The following LRRC4C variants were observed in gnomAD, a reference collection of about 807,000 sequenced individuals.
LRRC4C encodes the protein leucine-rich repeat-containing protein 4C.
A neutral mutation model predicts 33.6 loss-of-function variants in LRRC4C; 5 were observed. The observed-to-expected ratio is 0.15, with a 90% CI of 0.08 to 0.31. LRRC4C has a LOEUF of 0.31. Among genes scored for constraint, LRRC4C ranks in the 10% least tolerant of loss-of-function variants. The pLI is 1.00. For missense variants in LRRC4C, 560 were observed against 796.7 expected, an observed-to-expected ratio of 0.70 and a Z score of 3.58; for synonymous variants, 329 against 302.0, an observed-to-expected ratio of 1.09 and a Z score of -0.93.
At chr11:41,395,141 T>C (rs1953756429) in intron 1 of LRRC4C, among the ~76,000 whole-genome samples, 1 of 150,706 alleles carries the variant, frequency 6.6e-6, no homozygotes, top group South Asian at 2.1e-4. Flanking sequence ...ACTGGCAGAG[T>C]CTCAGAGTTA....
chr11:41,023,981 T>C (rs1856165722), intron 1 of LRRC4C, among the ~76,000 whole-genome samples: 1 of 151,798 alleles, frequency 6.6e-6, no homozygotes, highest in Admixed American at 6.6e-5. Context: ...TTGGCTTGTG[T>C]TGATATAATC....
chr11:40,655,276 C>T (rs755623396), intron 2 of LRRC4C, among the ~76,000 whole-genome samples: 45 of 152,090 alleles, frequency 3.0e-4, no homozygotes, highest in Non-Finnish European at 6.3e-4. Context: ...TTCAATATTT[C>T]AAAAAGGCAG....
At chr11:40,200,881 G>T (rs991442051) in intron 5 of LRRC4C, among the ~76,000 whole-genome samples, 16 of 151,964 alleles carry the variant, frequency 1.1e-4, no homozygotes, top group Non-Finnish European at 2.4e-4. Flanking sequence ...GGTAAGTCAG[G>T]TAAAGCTGAA....
intron 1 of LRRC4C, among the ~76,000 whole-genome samples, chr11:41,058,538 G>T (rs757436521): frequency 4.6e-5 from 7 of 152,240 alleles, no homozygotes; most frequent in Non-Finnish European, 1.0e-4. Flanking sequence ...CTAAACTTGG[G>T]CAAAGGTGCC....
At chr11:40,388,774 A>G (rs532676438) in intron 3 of LRRC4C, among the ~76,000 whole-genome samples, 1 of 152,312 alleles carries the variant, frequency 6.6e-6, no homozygotes, top group Non-Finnish European at 1.5e-5. Flanking sequence ...ACACTGAATC[A>G]AATGAGACTG....
At chr11:40,179,641 A>C (rs1008475810) in intron 5 of LRRC4C, among the ~76,000 whole-genome samples, 2 of 152,180 alleles carry the variant, frequency 1.3e-5, no homozygotes, top group African/African-American at 4.8e-5. Flanking sequence ...AGGCACAGAG[A>C]TCAGGACCCC....
intron 2 of LRRC4C, among the ~76,000 whole-genome samples, chr11:40,854,850 A>G (rs1318115331): frequency 6.6e-6 from 1 of 152,008 alleles, no homozygotes; most frequent in Admixed American, 6.6e-5. Flanking sequence ...GCTGGATATA[A>G]CTTACATGAC....
Position 40,243,390 on chromosome 11 carries a change from A to G in LRRC4C, c.-175-1792T>C, listed in dbSNP as rs369759467. Among the ~76,000 whole-genome samples, 82 of 152,282 alleles carry G rather than the reference A, an allele frequency of 5.4e-4. 2 individuals are homozygous for G. In the South Asian group the frequency reaches 8.3e-3, roughly 15 times the overall value. On this transcript the variant is annotated intron_variant, in intron 4 of 6. Transcript: ENST00000528697. ...GGAACTCACCAAGTACCTTCCTAGA[A>G]TTTGAAAGGTAGGTAGAAAACTATT...
chr11:40,520,494 A>T (rs2135221569), intron 3 of LRRC4C, among the ~76,000 whole-genome samples: 1 of 152,278 alleles, frequency 6.6e-6, no homozygotes, highest in Non-Finnish European at 1.5e-5. Flanking sequence ...GTGGGGCCTG[A>T]GGAAGAGGAA....
chr11:40,811,602 AT>A (rs1314640572), intron 2 of LRRC4C, among the ~76,000 whole-genome samples: 2 of 152,114 alleles, frequency 1.3e-5, no homozygotes, highest in African/African-American at 4.8e-5. Context: ...GATTCAAGCA[AT>A]TCTCCTGCCT....
chr11:40,126,122 A>G (rs1235959284), intron 6 of LRRC4C, among the ~76,000 whole-genome samples: 5 of 151,452 alleles, frequency 3.3e-5, no homozygotes, highest in African/African-American at 1.2e-4. Flanking sequence ...TGACTCTGCA[A>G]TGTTTCTAGA....
At chr11:40,942,158 C>G (rs1958181624) in intron 1 of LRRC4C, among the ~76,000 whole-genome samples, 1 of 152,070 alleles carries the variant, frequency 6.6e-6, no homozygotes, top group Non-Finnish European at 1.5e-5. Flanking sequence ...AATGGGGCAT[C>G]CTTGAGATGA....
chr11:40,151,267 A>G (rs1324152492), intron 5 of LRRC4C, among the ~76,000 whole-genome samples: 1 of 151,962 alleles, frequency 6.6e-6, no homozygotes, highest in Non-Finnish European at 1.5e-5. Context: ...CAGACAACAG[A>G]CTCTGAAATG....
At chr11:41,272,924 G>A (rs184252097) in intron 1 of LRRC4C, among the ~76,000 whole-genome samples, 34 of 152,070 alleles carry the variant, frequency 2.2e-4, no homozygotes, top group Non-Finnish European at 4.3e-4. Flanking sequence ...GTCACAGCCT[G>A]GCCAGTTCTA....
At chr11:40,328,711 G>T (rs1334427240) in intron 3 of LRRC4C, among the ~76,000 whole-genome samples, 1 of 152,116 alleles carries the variant, frequency 6.6e-6, no homozygotes. Context: ...TTCCCCCAGA[G>T]AATAACTTTG....
At chr11:40,873,932 A>G (rs1954765511) in intron 2 of LRRC4C, among the ~76,000 whole-genome samples, 1 of 152,226 alleles carries the variant, frequency 6.6e-6, no homozygotes, top group Admixed American at 6.5e-5. Context: ...TAAAAACCAT[A>G]GTTCAATATC....
At chr11:40,194,550 C>T (rs1862092767) in intron 5 of LRRC4C, among the ~76,000 whole-genome samples, 1 of 150,832 alleles carries the variant, frequency 6.6e-6, no homozygotes, top group Non-Finnish European at 1.5e-5. Context: ...TGTTCTCACT[C>T]ATAAGTGGGA....
At chr11:40,347,280 A>G (rs1283773466) in intron 3 of LRRC4C, among the ~76,000 whole-genome samples, 1 of 152,140 alleles carries the variant, frequency 6.6e-6, no homozygotes, top group Non-Finnish European at 1.5e-5. Context: ...TTATGAACCA[A>G]TCTCTGCTAG....
intron 3 of LRRC4C, among the ~76,000 whole-genome samples, chr11:40,377,222 C>T (rs1023062035): frequency 1.3e-5 from 2 of 152,082 alleles, no homozygotes; most frequent in Non-Finnish European, 2.9e-5. Flanking sequence ...TCATGACACA[C>T]AATGATTATC....
Sources: allele counts gnomAD v4.1 joint callset (sites outside exome capture counted in the v4.1 genomes callset), GRCh38; gene constraint gnomAD v4.1.1; transcripts MANE v1.5; gene names NCBI Gene and HGNC (gene_info 2026-07-23, HGNC 2026-07-21).